Variants in ARHGAP8 observed in about 807,000 individuals in gnomAD.
ARHGAP8 encodes the protein Rho GTPase activating protein 8, also known as rho GTPase-activating protein 8.
ARHGAP8 carries 62 observed loss-of-function variants against 46.1 expected under a neutral mutation model. The ratio of observed to expected loss-of-function variants is 1.34; its 90% CI spans 1.10 to 1.66. ARHGAP8 has a LOEUF of 1.66. ARHGAP8 is among the 40% of genes most tolerant of loss of function. The probability of loss-of-function intolerance (pLI) is 0.00; values close to 1 mark genes in which losing one functional copy is unlikely to be tolerated. For missense variants in ARHGAP8, 923 were observed against 568.4 expected (o/e 1.62, Z -6.34); for synonymous variants, 375 against 243.1 (o/e 1.54, Z -5.05).
chr22:44,813,437 C>T (rs1261709816), intron 4 of ARHGAP8, among the ~76,000 whole-genome samples: 2 of 138,314 alleles, frequency 1.4e-5, no homozygotes, highest in Non-Finnish European at 3.1e-5. Flanking sequence ...CTTACACCTA[C>T]ATACACACAT....
intron 1 of ARHGAP8, among the ~76,000 whole-genome samples, chr22:44,763,870 G>T (rs1925342934): frequency 6.7e-6 from 1 of 150,004 alleles, no homozygotes; most frequent in South Asian, 2.1e-4. Flanking sequence ...GAGTGCAGTG[G>T]CACAATCTCG....
intron 4 of ARHGAP8, chr22:44,808,908 C>T (rs764380946): frequency 1.9e-5 from 7 of 364,998 alleles, no homozygotes; most frequent in Non-Finnish European, 3.8e-5. Context: ...GCCTCGGCCT[C>T]CTGGGCTCAA....
intron 7 of ARHGAP8, among the ~76,000 whole-genome samples, chr22:44,825,849 G>A (rs1169148488): frequency 3.1e-5 from 4 of 128,638 alleles, no homozygotes; most frequent in South Asian, 5.6e-4. Flanking sequence ...TGGGGGGCGC[G>A]TGCTCGCTGC....
intron 5 of ARHGAP8, among the ~76,000 whole-genome samples, chr22:44,820,447 G>T (rs1042872799): frequency 6.6e-6 from 1 of 152,308 alleles, no homozygotes; most frequent in Non-Finnish European, 1.5e-5. Context: ...CACACAGGAC[G>T]TTGACAGTAC....
At chr22:44,857,480 C>T (rs1201283411) in intron 10 of ARHGAP8, among the ~76,000 whole-genome samples, 1 of 152,118 alleles carries the variant, frequency 6.6e-6, no homozygotes, top group Admixed American at 6.5e-5. Flanking sequence ...CTAGAAGTTG[C>T]ACATGACATG....
At chr22:44,838,166 C>G (rs1485750609) in intron 7 of ARHGAP8, among the ~76,000 whole-genome samples, 3 of 145,300 alleles carry the variant, frequency 2.1e-5, no homozygotes, top group South Asian at 2.2e-4. Context: ...AAGACGGAGT[C>G]TTGCTCTGTT....
chr22:44,849,034 C>T lies in ARHGAP8; in HGVS notation c.851C>T (p.Ala284Val). ...ELPQPLLTFQ[A>V]YEQILGITCV... ...CCCCAGCCGCTTCTGACCTTCCAGGCCTACGAGCAGATTCTCGGGATCACC... is the reference window on the plus strand; with the variant it reads ...CCCCAGCCGCTTCTGACCTTCCAGGTCTACGAGCAGATTCTCGGGATCACC... The change falls in exon 10 of 12, where the codon GCC (alanine) becomes GTC (valine). Residue 284 changes from alanine (A) to valine (V), a missense_variant. Ala to Val is a moderately conservative substitution (Grantham distance 64). Transcript: ENST00000356099. The T allele has an allele frequency of 6.2e-7, 1 of 1,614,038 alleles. No individual in the cohort carries two copies. Among genetic ancestry groups the T allele is most frequent in the African/African-American group, 1.3e-5 (1 of 75,054 alleles).
intron 10 of ARHGAP8, chr22:44,849,303 C>G (rs1002174101): frequency 2.1e-5 from 13 of 615,174 alleles, no homozygotes; most frequent in Non-Finnish European, 2.9e-5. Context: ...GCCGGTCTCT[C>G]AGGCACAGCT....
chr22:44,855,615 T>G (rs545884165), intron 10 of ARHGAP8, among the ~76,000 whole-genome samples: 1 of 152,286 alleles, frequency 6.6e-6, no homozygotes, highest in Non-Finnish European at 1.5e-5. Flanking sequence ...TTAACCTTGT[T>G]TTTTGTTTTG....
intron 1 of ARHGAP8, among the ~76,000 whole-genome samples, chr22:44,772,471 T>C (rs1372253912): frequency 6.6e-6 from 1 of 151,126 alleles, no homozygotes; most frequent in Non-Finnish European, 1.5e-5. Flanking sequence ...ATTACAGGCA[T>C]GAGCCACCGT....
Position 44,859,845 on chromosome 22 carries a change from A to AAGGGGGGAGCTT in ARHGAP8, c.981+12_981+23dup. 1 of 1,612,596 alleles carries AAGGGGGGAGCTT rather than the reference A, an allele frequency of 6.2e-7. No homozygotes were observed. Among genetic ancestry groups the AAGGGGGGAGCTT allele is most frequent in the Non-Finnish European group, 8.5e-7 (1 of 1,179,384 alleles). On this transcript the variant is annotated intron_variant, in intron 11 of 11. Coordinates refer to ENST00000356099, the MANE Select transcript of ARHGAP8 (RefSeq NM_181335.3). Reference sequence around the variant, plus strand: ...GGCTTCCTGCATGCGGTGAGTGGGGAAGGGGGGAGCTTGGGGTGAAGCCCA... The same window carrying AAGGGGGGAGCTT: ...GGCTTCCTGCATGCGGTGAGTGGGGAAGGGGGGAGCTTAGGGGGGAGCTTGGGGTGAAGCCCA...
Position 44,859,807 on chromosome 22 carries a change from C to A in ARHGAP8, c.954C>A (p.Leu318=), listed in dbSNP as rs201042184. 131 of 1,613,942 alleles carry A rather than the reference C, an allele frequency of 8.1e-5. No individual in the cohort carries two copies. Among genetic ancestry groups the A allele is most frequent in the Middle Eastern group, 4.9e-4 (3 of 6,082 alleles). The change falls in exon 11 of 12, where the codon CTC becomes CTA. Residue 318 remains leucine, a synonymous_variant. Transcript: ENST00000356099. ...TCCCAGAGCACAACTACGTCGTCCTCCGCTACCTCATGGGCTTCCTGCATG... is the reference window on the plus strand; with the variant it reads ...TCCCAGAGCACAACTACGTCGTCCTACGCTACCTCATGGGCTTCCTGCATG... ...RSLPEHNYVV[L]RYLMGFLHAV...
intron 1 of ARHGAP8, among the ~76,000 whole-genome samples, chr22:44,762,625 C>G (rs1925224020): frequency 6.6e-6 from 1 of 150,428 alleles, no homozygotes; most frequent in Non-Finnish European, 1.5e-5. Flanking sequence ...CTCACTGCAG[C>G]GTCCACCTCT....
At chr22:44,818,450 C>CAAAAAA (rs749292883) in intron 5 of ARHGAP8, among the ~76,000 whole-genome samples, 9 of 125,428 alleles carry the variant, frequency 7.2e-5, no homozygotes, top group African/African-American at 2.9e-4. Context: ...ACTCCAGTCT[C>CAAAAAA]AAAAAAAAAA....
chr22:44,816,328 T>C (rs1366859364), intron 5 of ARHGAP8, among the ~76,000 whole-genome samples: 1 of 152,098 alleles, frequency 6.6e-6, no homozygotes, highest in Non-Finnish European at 1.5e-5. Context: ...CATCCATCCC[T>C]GGGAAGCATC....
chr22:44,817,382 G>A (rs12169165), intron 5 of ARHGAP8, among the ~76,000 whole-genome samples: 20,361 of 152,220 alleles, frequency 0.13, 2,032 homozygotes, highest in East Asian at 0.37. Flanking sequence ...GGCCTATGCC[G>A]CACACATTCC....
chr22:44,824,481 A>C (rs1173931559), intron 6 of ARHGAP8, among the ~76,000 whole-genome samples: 2 of 152,094 alleles, frequency 1.3e-5, no homozygotes, highest in Non-Finnish European at 2.9e-5. Flanking sequence ...CGAGCTGCCA[A>C]CTAATGGTCA....
At chr22:44,857,075 G>A (rs905140031) in intron 10 of ARHGAP8, among the ~76,000 whole-genome samples, 1 of 142,384 alleles carries the variant, frequency 7.0e-6, no homozygotes, top group Non-Finnish European at 1.5e-5. Flanking sequence ...CAAGTAGCTG[G>A]GATTACAGGT....
chr22:44,820,221 A>G (rs73889799), intron 5 of ARHGAP8, among the ~76,000 whole-genome samples: 11,609 of 152,078 alleles, frequency 0.076, 1,546 homozygotes, highest in African/African-American at 0.27. Context: ...TCCCGAGAGG[A>G]GAGGCAAGTG....
Sources: allele counts gnomAD v4.1 joint callset (sites outside exome capture counted in the v4.1 genomes callset), GRCh38; gene constraint gnomAD v4.1.1; transcripts MANE v1.5; gene names NCBI Gene and HGNC (gene_info 2026-07-23, HGNC 2026-07-21).